Variants in NRP1 observed in about 807,000 individuals in gnomAD.
NRP1 encodes neuropilin 1.
In NRP1, 35 loss-of-function variants were observed where a neutral mutation model predicts 106.7. That is an observed-to-expected ratio of 0.33 (90% confidence interval 0.25 to 0.43). NRP1 has a LOEUF of 0.43. Ranked by LOEUF, NRP1 falls within the 20% of genes least tolerant of loss-of-function variation. NRP1 has a pLI of 1.00. For missense variants in NRP1, 1,024 were observed against 1,170.4 expected (o/e 0.87, Z 1.83); for synonymous variants, 437 against 417.9 (o/e 1.05, Z -0.56).
At chr10:33,277,092 A>C (rs1843753395) in intron 2 of NRP1, among the ~76,000 whole-genome samples, 2 of 151,710 alleles carry the variant, frequency 1.3e-5, no homozygotes. Context: ...GTAACAGATC[A>C]AGACCCTGTC....
chr10:33,246,180 A>G (rs534428017), intron 6 of NRP1, among the ~76,000 whole-genome samples: 102 of 150,090 alleles, frequency 6.8e-4, no homozygotes, highest in Non-Finnish European at 1.2e-3. Flanking sequence ...AGTTAAAAAT[A>G]TCCAAATAAT....
intron 9 of NRP1, chr10:33,212,918 G>A (rs545367286): frequency 5.0e-5 from 16 of 318,684 alleles, no homozygotes; most frequent in East Asian, 2.6e-4. Context: ...CAATCCGCCC[G>A]ACTCGGCATC....
chr10:33,257,492 C>T (rs763084076), intron 4 of NRP1, among the ~76,000 whole-genome samples: 1 of 152,152 alleles, frequency 6.6e-6, no homozygotes, highest in African/African-American at 2.4e-5. Flanking sequence ...CAAAGATTAG[C>T]CAGGCGTGGT....
intron 6 of NRP1, among the ~76,000 whole-genome samples, chr10:33,241,929 A>T (rs576894850): frequency 2.6e-5 from 4 of 152,352 alleles, no homozygotes; most frequent in Admixed American, 2.6e-4. Flanking sequence ...TTTAATTCAG[A>T]TGAATTTTAT....
chr10:33,310,248 CT>C lies in NRP1; in HGVS notation c.248+20459del, dbSNP rs35513274. ...ACAGGCGTGAGCCACTGCGCCCGGC[CT>C]TTTTTTTTTTTTTTTTTTCGAGACA... On this transcript the variant is annotated intron_variant, in intron 2 of 16. Coordinates refer to ENST00000374867, the MANE Select transcript of NRP1 (RefSeq NM_003873.7). Among the ~76,000 whole-genome samples, 146 of 80,156 alleles carry C rather than the reference CT, an allele frequency of 1.8e-3. 1 individual carries two copies. Among genetic ancestry groups the C allele is most frequent in the African/African-American group, 5.6e-3 (111 of 19,688 alleles). The allele number at this position is 80,156 out of a possible 152,430, so 52.6% of individuals were successfully genotyped here.
At chr10:33,197,761 G>A in intron 11 of NRP1, 52 bp from the exon 12 acceptor site, 1 of 1,099,244 alleles carries the variant, frequency 9.1e-7, no homozygotes, top group South Asian at 1.4e-5. Context: ...TAGCGAATAT[G>A]CAGGAGAAAA....
At chr10:33,230,976 A>G (rs1476268533) in intron 6 of NRP1, among the ~76,000 whole-genome samples, 1 of 152,016 alleles carries the variant, frequency 6.6e-6, no homozygotes, top group Non-Finnish European at 1.5e-5. Context: ...ATTGGCTTCA[A>G]TCTACCTTTT....
intron 6 of NRP1, among the ~76,000 whole-genome samples, chr10:33,226,963 T>A (rs974786354): frequency 3.3e-5 from 5 of 152,212 alleles, no homozygotes; most frequent in Admixed American, 3.3e-4. Flanking sequence ...CCTCAGGACC[T>A]CCTGAGGTTC....
chr10:33,251,741 C>T (rs549589610), intron 6 of NRP1, among the ~76,000 whole-genome samples: 9 of 152,130 alleles, frequency 5.9e-5, no homozygotes, highest in African/African-American at 1.2e-4. Context: ...AATTGCCTTG[C>T]GCAGAAGAAT....
chr10:33,181,815 G>A (rs913637469), intron 16 of NRP1, among the ~76,000 whole-genome samples: 10 of 152,326 alleles, frequency 6.6e-5, no homozygotes, highest in African/African-American at 2.4e-4. Flanking sequence ...GATAAGGTAT[G>A]TAGGACGGGT....
intron 3 of NRP1, among the ~76,000 whole-genome samples, chr10:33,264,827 G>A (rs577985259): frequency 2.6e-5 from 4 of 152,236 alleles, no homozygotes; most frequent in South Asian, 4.1e-4. Flanking sequence ...CTTCTTGGCC[G>A]GGTGTGCACA....
intron 2 of NRP1, among the ~76,000 whole-genome samples, chr10:33,328,110 C>A (rs1848021610): frequency 6.6e-6 from 1 of 152,092 alleles, no homozygotes; most frequent in Non-Finnish European, 1.5e-5. Context: ...TATGTAACAT[C>A]TTCTTGGCCA....
intron 12 of NRP1, among the ~76,000 whole-genome samples, chr10:33,196,313 T>C (rs1162784848): frequency 1.3e-5 from 2 of 152,170 alleles, no homozygotes; most frequent in Admixed American, 1.3e-4. Flanking sequence ...GTTTGTTATA[T>C]GATCAGAACT....
chr10:33,199,273 T>G (rs2132672681), intron 11 of NRP1, among the ~76,000 whole-genome samples: 1 of 149,276 alleles, frequency 6.7e-6, no homozygotes, highest in South Asian at 2.2e-4. Flanking sequence ...CATGGCTCAC[T>G]GTGGCCTCAA....
At chr10:33,331,070 G>A (rs776377731) in intron 1 of NRP1, among the ~76,000 whole-genome samples, 188 bp from the exon 2 acceptor site, 1 of 152,156 alleles carries the variant, frequency 6.6e-6, no homozygotes, top group African/African-American at 2.4e-5. Context: ...ATCTCAGGAA[G>A]GTTGACTCAG....
At chr10:33,295,079 T>C (rs1435457266) in intron 2 of NRP1, among the ~76,000 whole-genome samples, 2 of 152,228 alleles carry the variant, frequency 1.3e-5, no homozygotes, top group African/African-American at 4.8e-5. Flanking sequence ...TTATACCCAT[T>C]GTGGAGCACC....
intron 3 of NRP1, among the ~76,000 whole-genome samples, chr10:33,268,728 C>T (rs1168170510): frequency 2.6e-5 from 4 of 152,190 alleles, no homozygotes; most frequent in Non-Finnish European, 5.9e-5. Context: ...AGCAGGTGTA[C>T]ATATGTGTGT....
At chr10:33,256,266 A>G (rs1328595896) in intron 5 of NRP1, 50 bp downstream of exon 5, 1 of 1,583,462 alleles carries the variant, frequency 6.3e-7, no homozygotes, top group Admixed American at 1.7e-5. Flanking sequence ...GTGAGCAGGA[A>G]TAACATTGAG....
chr10:33,303,285 C>T (rs1299903846), intron 2 of NRP1, among the ~76,000 whole-genome samples: 4 of 152,160 alleles, frequency 2.6e-5, no homozygotes, highest in Non-Finnish European at 5.9e-5. Context: ...GGAACACATC[C>T]TTCTTTGTTA....
Sources: gnomAD v4.1 joint callset for allele counts (sites outside exome capture counted in the v4.1 genomes callset) on GRCh38, gnomAD v4.1.1 for gene constraint, MANE v1.5 for transcripts, NCBI Gene and HGNC (gene_info 2026-07-23, HGNC 2026-07-21) for gene names.